Variants in MOB2 observed in about 807,000 individuals in gnomAD.
MOB2 encodes MOB kinase activator 2.
In MOB2, 14 loss-of-function variants were observed where a neutral mutation model predicts 27.4. The ratio of observed to expected loss-of-function variants is 0.51; its 90% confidence interval spans 0.34 to 0.80. The LOEUF (loss-of-function observed/expected upper bound fraction) is 0.80. Among genes scored for constraint, MOB2 ranks in the 30% least tolerant of loss-of-function variants. The pLI is 0.01. For synonymous variants in MOB2, 167 were observed against 151.8 expected (o/e 1.10, Z -0.74); for missense variants, 304 against 354.6 (o/e 0.86, Z 1.15).
At position 1,469,936 on chromosome 11, in the gene MOB2, A is replaced by G; in HGVS notation, c.*236T>C. On this transcript the variant is annotated 3_prime_UTR_variant, in exon 5 of 5. Coordinates refer to ENST00000329957, the MANE Select transcript of MOB2 (RefSeq NM_001172223.3). The stretch of plus-strand genomic sequence containing the variant: ...CAGTCCCATGCGTGTCTGCTGAACG[A>G]GTGAATGGGCCCAAAGGCTCTTCTC... 1.0e-6 allele frequency: 1 copy of G among 965,486 alleles called. No individual in the cohort carries two copies. Among genetic ancestry groups the G allele is most frequent in the Non-Finnish European group, 1.6e-6 (1 of 627,204 alleles). 59.8% of individuals were successfully genotyped at this position (965,486 alleles called of 1,614,324 possible).
chr11:1,471,199 C>A, intron 4 of MOB2, 96 bp downstream of exon 4: 1 of 1,470,530 alleles, frequency 6.8e-7, no homozygotes, highest in East Asian at 2.5e-5. Context: ...CGTGCCTCTG[C>A]CCCTCCCGGC....
At position 1,469,811 on chromosome 11, in the gene MOB2, C is replaced by A. The variant is rs183144660; in HGVS notation, c.*361G>T. The A allele has an allele frequency of 2.3e-5, 12 of 526,460 alleles. No individual in the cohort carries two copies. Among genetic ancestry groups the A allele is most frequent in the Non-Finnish European group, 3.7e-5 (10 of 273,090 alleles). The allele number at this position is 526,460 out of a possible 1,614,324, so 32.6% of individuals were successfully genotyped here. On this transcript the variant is annotated 3_prime_UTR_variant, in exon 5 of 5. Transcript: ENST00000329957. ...CCAGGTCTGCAAATCACACCCTCCC[C>A]CCACGAGTTCCTCCTTTGAGGCCAG...
At chr11:1,472,231 CTGGG>C (rs1277542395) in intron 3 of MOB2, 3 of 151,866 alleles carry the variant, frequency 2.0e-5, no homozygotes, top group Non-Finnish European at 2.9e-5. Context: ...TGCCACGGTG[CTGGG>C]TCTCAGTCCT....
At chr11:1,479,718 T>C (rs978057149) in intron 3 of MOB2, among the ~76,000 whole-genome samples, 6 of 152,244 alleles carry the variant, frequency 3.9e-5, no homozygotes, top group Non-Finnish European at 8.8e-5. Context: ...GTCCCTGACC[T>C]GTGTGCACTG....
chr11:1,477,666 A>G (rs1185930803), intron 3 of MOB2, among the ~76,000 whole-genome samples: 2 of 152,180 alleles, frequency 1.3e-5, no homozygotes, highest in African/African-American at 2.4e-5. Flanking sequence ...TGACGTGGTC[A>G]GTGCCCCCTT....
chr11:1,479,332 A>G (rs753078551), intron 3 of MOB2, among the ~76,000 whole-genome samples: 3 of 152,082 alleles, frequency 2.0e-5, no homozygotes, highest in Non-Finnish European at 4.4e-5. Context: ...TGCCTGATCC[A>G]TGGAGGCCAC....
chr11:1,482,818 G>A (rs1564911631), intron 1 of MOB2, among the ~76,000 whole-genome samples: 1 of 152,230 alleles, frequency 6.6e-6, no homozygotes, highest in Admixed American at 6.5e-5. Flanking sequence ...TCCAGGAACG[G>A]CTGTGCGGGC....
chr11:1,470,503 C>A lies in MOB2; in HGVS notation c.491-15G>T. The A allele has an allele frequency of 3.1e-6, 5 of 1,605,994 alleles. No homozygotes were observed. The highest frequency in any genetic ancestry group is 4.3e-6 in the Non-Finnish European group (5 of 1,175,536). On this transcript the variant is annotated splice_polypyrimidine_tract_variant and intron_variant, in intron 4 of 4. Transcript: ENST00000329957. ...GAATTCTCTGCCTGGGGAAGGCCAC[C>A]GTGTCACAAGCTGCAGACATCCCTT...
At chr11:1,479,907 A>G (rs1033619222) in intron 3 of MOB2, among the ~76,000 whole-genome samples, 1 of 152,180 alleles carries the variant, frequency 6.6e-6, no homozygotes, top group African/African-American at 2.4e-5. Flanking sequence ...ACTAACGGAC[A>G]CCCATTTACT....
intron 3 of MOB2, 196 bp from the exon 4 acceptor site, chr11:1,471,615 G>C (rs1481073796): frequency 2.5e-5 from 15 of 594,024 alleles, no homozygotes; most frequent in Middle Eastern, 4.6e-4. Flanking sequence ...CTCTATGGAG[G>C]GGTCTGCCTG....
intron 3 of MOB2, chr11:1,472,581 A>T (rs906273262): frequency 2.0e-5 from 3 of 152,296 alleles, no homozygotes; most frequent in Non-Finnish European, 4.4e-5. Context: ...CACCCTCCTC[A>T]TCCAGTCACG....
intron 1 of MOB2, among the ~76,000 whole-genome samples, chr11:1,484,374 G>T (rs1847948197): frequency 1.3e-5 from 2 of 152,166 alleles, no homozygotes; most frequent in African/African-American, 4.8e-5. Flanking sequence ...CGCCTCTGAG[G>T]AGGGCATGGT....
At chr11:1,476,811 A>T (rs969790287) in intron 3 of MOB2, among the ~76,000 whole-genome samples, 2 of 150,996 alleles carry the variant, frequency 1.3e-5, no homozygotes, top group African/African-American at 4.8e-5. Flanking sequence ...ACAGTTTGTT[A>T]AAGTTTTTTT....
chr11:1,476,741 C>G (rs1479968128), intron 3 of MOB2, among the ~76,000 whole-genome samples: 1 of 152,082 alleles, frequency 6.6e-6, no homozygotes, highest in African/African-American at 2.4e-5. Context: ...CCTATAAATC[C>G]CCTCTAGGCA....
chr11:1,480,374 G>A lies in MOB2; in HGVS notation c.365+19C>T, dbSNP rs773990158. On this transcript the variant is annotated intron_variant, in intron 3 of 4. Coordinates refer to ENST00000329957, the MANE Select transcript of MOB2 (RefSeq NM_001172223.3). ...CGAGTCTCCCAAGAGAAAGTGGGCT[G>A]TAGCCAGGCAGCACTCACGTGTTGC... is the stretch of plus-strand genomic sequence containing the variant. 8.1e-6 allele frequency: 13 copies of A among 1,610,886 alleles called. No individual in the cohort carries two copies. Among genetic ancestry groups the A allele is most frequent in the Non-Finnish European group, 1.1e-5 (13 of 1,177,770 alleles).
intron 1 of MOB2, among the ~76,000 whole-genome samples, chr11:1,483,921 G>C (rs979384679): frequency 5.9e-5 from 9 of 152,176 alleles, no homozygotes; most frequent in Non-Finnish European, 1.0e-4. Flanking sequence ...CAACACACAG[G>C]GGGTCTCACC....
rs567518534 is a variant in MOB2 at position 1,469,559 on chromosome 11, G to A, written c.*613C>T. ...CATCTCCACGCAGGGCCTCAGCCCC[G>A]TCCTGGCCTTGCCTGAGGACTGCAC... is the stretch of plus-strand genomic sequence containing the variant. On this transcript the variant is annotated 3_prime_UTR_variant, in exon 5 of 5. Transcript: ENST00000329957. 8.5e-5 allele frequency: 39 copies of A among 456,706 alleles called. No homozygotes were observed. The highest frequency in any genetic ancestry group is 1.7e-4 in the South Asian group (11 of 64,572). 28.3% of individuals were successfully genotyped at this position (456,706 alleles called of 1,614,324 possible). A position where few individuals can be genotyped will look rare whatever the true frequency, so the allele number is the denominator to read the frequency against.
chr11:1,470,167 G>T lies in MOB2; in HGVS notation c.*5C>A. 1 of 1,591,410 alleles carries T rather than the reference G, an allele frequency of 6.3e-7. No homozygotes were observed. On this transcript the variant is annotated 3_prime_UTR_variant, in exon 5 of 5. Coordinates refer to ENST00000329957, the MANE Select transcript of MOB2 (RefSeq NM_001172223.3). Reference sequence around the variant, plus strand: ...ACACGTGTGCCCCTGTCCGGCCCGGGGGGCTCATCTCTCCTTCACGTGGTT... The same window carrying T: ...ACACGTGTGCCCCTGTCCGGCCCGGTGGGCTCATCTCTCCTTCACGTGGTT...
At chr11:1,471,093 G>A (rs1847784074) in intron 4 of MOB2, among the ~76,000 whole-genome samples, 1 of 152,238 alleles carries the variant, frequency 6.6e-6, no homozygotes, top group African/African-American at 2.4e-5. Context: ...CCTTGGCCCT[G>A]GCTGGGCTGA....
Sources: allele counts gnomAD v4.1 joint callset (sites outside exome capture counted in the v4.1 genomes callset), GRCh38; gene constraint gnomAD v4.1.1; transcripts MANE v1.5; gene names NCBI Gene and HGNC (gene_info 2026-07-23, HGNC 2026-07-21).